Variants in EIF3D observed in about 807,000 individuals in gnomAD.
The protein encoded by EIF3D is eIF3 p66.
Under a neutral mutation model 75.4 loss-of-function variants are expected in EIF3D, and 10 were observed. The observed-to-expected ratio is 0.13, with a 90% CI of 0.08 to 0.22. The LOEUF (loss-of-function observed/expected upper bound fraction) is 0.22, where lower values mean the gene tolerates loss of function less well. Among genes scored for constraint, EIF3D ranks in the 10% least tolerant of loss-of-function variants. The probability of loss-of-function intolerance (pLI) is 1.00; values close to 1 mark genes in which losing one functional copy is unlikely to be tolerated. For missense variants in EIF3D, 394 were observed against 708.0 expected (o/e 0.56, Z 5.03); for synonymous variants, 246 against 248.3 (o/e 0.99, Z 0.09).
chr22:36,526,189 A>C, intron 1 of EIF3D, 58 bp from the exon 2 acceptor site: 1 of 1,487,026 alleles, frequency 6.7e-7, no homozygotes, highest in Non-Finnish European at 9.0e-7. Context: ...AGTACAAAAC[A>C]CCCTCCATAT....
intron 12 of EIF3D, 41 bp from the exon 13 acceptor site, chr22:36,512,643 A>C: frequency 6.3e-7 from 1 of 1,592,452 alleles, no homozygotes; most frequent in Non-Finnish European, 8.6e-7. Flanking sequence ...GCAAGCTCCA[A>C]ATGCCCAAGG....
At chr22:36,518,306 C>T (rs1174760028) in intron 9 of EIF3D, among the ~76,000 whole-genome samples, 1 of 151,924 alleles carries the variant, frequency 6.6e-6, no homozygotes, top group Non-Finnish European at 1.5e-5. Context: ...GCCTCGCCAA[C>T]ATGGTGAAAC....
At chr22:36,520,109 G>C (rs2235319) in intron 7 of EIF3D, among the ~76,000 whole-genome samples, 12,924 of 151,366 alleles carry the variant, frequency 0.085, 730 homozygotes, top group East Asian at 0.19. Flanking sequence ...ATACCAGGAA[G>C]TTAAAAAGAA....
intron 1 of EIF3D, chr22:36,527,024 T>C (rs1934615697): frequency 1.3e-5 from 2 of 152,224 alleles, no homozygotes; most frequent in East Asian, 1.9e-4. Context: ...TTTAAGTATA[T>C]CCTGAAATTC....
rs77562217 is a variant in EIF3D, at chr22:36,517,659, G to A, written c.860-228C>T. 4.6e-3 allele frequency among the ~76,000 whole-genome samples: 693 copies of A among 152,276 alleles called. 1 individual carries two copies. The highest frequency in any genetic ancestry group is 7.7e-3 in the Non-Finnish European group (524 of 68,028). On this transcript the variant is annotated intron_variant, in intron 9 of 14. Transcript: ENST00000216190. ...ACATTCAATTCAATCACACAGTAAC[G>A]AAGCTGTCCCTTTTCAGTCGTTTTG...
intron 5 of EIF3D, 97 bp downstream of exon 5, chr22:36,523,798 G>C (rs74947325): frequency 0.027 from 31,256 of 1,137,718 alleles, 527 homozygotes; most frequent in Non-Finnish European, 0.034. Context: ...TTTTTGCAGT[G>C]GTGGGGAATA....
chr22:36,519,056 T>C (rs1215473143), intron 8 of EIF3D, 146 bp from the exon 9 acceptor site: 2 of 1,159,308 alleles, frequency 1.7e-6, no homozygotes, highest in African/African-American at 3.1e-5. Context: ...CTGCAGCCAG[T>C]GAGCCAGCAA....
intron 1 of EIF3D, 109 bp downstream of exon 1, chr22:36,528,967 A>C: frequency 3.8e-6 from 1 of 260,198 alleles, no homozygotes; most frequent in Admixed American, 5.4e-5. Flanking sequence ...AGGGACGGCA[A>C]CAGCAGGAAG....
At position 36,526,063 on chromosome 22, in the gene EIF3D, G is replaced by C. The variant is rs150123971; in HGVS notation, c.59C>G (p.Ala20Gly). Residue 20 changes from alanine (A) to glycine (G), a missense_variant, in exon 2 of 15, where the codon GCG (alanine) becomes GGG (glycine). By Grantham distance (60) the Ala-to-Gly change is moderately conservative. Transcript: ENST00000216190. ...QDNPSGWGPC[A>G]VPEQFRDMPY... is the part of the protein sequence containing the mutation. ...CATATCCCGAAACTGCTCGGGAACCGCACAGGGACCCCAGCCTGAGGGGTT... is the reference window on the plus strand; with the variant it reads ...CATATCCCGAAACTGCTCGGGAACCCCACAGGGACCCCAGCCTGAGGGGTT... 1 of 1,613,454 alleles carries C rather than the reference G, an allele frequency of 6.2e-7. No individual in the cohort carries two copies. Among genetic ancestry groups the C allele is most frequent in the South Asian group, 1.1e-5 (1 of 90,954 alleles).
rs1193397530 is a variant in EIF3D at position 36,516,568 on chromosome 22, A to G, written c.1116T>C (p.Ile372=). 3 of 1,614,174 alleles carry G rather than the reference A, an allele frequency of 1.9e-6. No individual in the cohort carries two copies. The highest frequency in any genetic ancestry group is 1.7e-5 in the Admixed American group (1 of 60,026). The change falls in exon 12 of 15, where the codon ATT becomes ATC. Residue 372 remains isoleucine, a synonymous_variant. Transcript: ENST00000216190. Reference sequence around the variant, plus strand: ...TGACGCCATCGTGCTCACAACGGACAATAAGGTCAATATCATCTCCAAGCT... The same window carrying G: ...TGACGCCATCGTGCTCACAACGGACGATAAGGTCAATATCATCTCCAAGCT... ...RWKLGDDIDL[I]VRCEHDGVMT...
At chr22:36,522,487 A>G (rs1026635430) in intron 6 of EIF3D, among the ~76,000 whole-genome samples, 4 of 152,254 alleles carry the variant, frequency 2.6e-5, no homozygotes, top group African/African-American at 4.8e-5. Context: ...CATATACTGA[A>G]GGAAAACTGT....
Position 36,526,104 on chromosome 22 carries a change from T to C in EIF3D, c.18A>G (p.Thr6=). The C allele has an allele frequency of 6.2e-7, 1 of 1,605,982 alleles. No homozygotes were observed. The highest frequency in any genetic ancestry group is 1.1e-5 in the South Asian group (1 of 89,908). The change falls in exon 2 of 15, where the codon ACA becomes ACG. Residue 6 remains threonine (T), a synonymous_variant. Coordinates refer to ENST00000216190, the MANE Select transcript of EIF3D (RefSeq NM_003753.4). ...CTGAGGGGTTGTCCTGGATCACGGG[T>C]GTCATGAACTTTGCCATCTTCCAAA... The part of the protein sequence containing the change: MAKFM[T]PVIQDNPSGW...
chr22:36,519,733 C>T (rs1934483186), intron 7 of EIF3D, among the ~76,000 whole-genome samples, 196 bp from the exon 8 acceptor site: 1 of 152,166 alleles, frequency 6.6e-6, no homozygotes, highest in Non-Finnish European at 1.5e-5. Flanking sequence ...ACACAGCAAG[C>T]ACAACTCATC....
At chr22:36,528,211 C>T (rs1456786986) in intron 1 of EIF3D, among the ~76,000 whole-genome samples, 1 of 152,052 alleles carries the variant, frequency 6.6e-6, no homozygotes, top group Non-Finnish European at 1.5e-5. Context: ...GCTGTCAGTC[C>T]AGCCTTCTTT....
At chr22:36,522,287 G>C (rs1045319769) in intron 6 of EIF3D, among the ~76,000 whole-genome samples, 1 of 152,176 alleles carries the variant, frequency 6.6e-6, no homozygotes, top group African/African-American at 2.4e-5. Context: ...CCAGCAGGCA[G>C]AGGTTGCAGT....
rs532212071 is a variant in EIF3D, at chr22:36,516,622, A to T, written c.1077-15T>A. On this transcript the variant is annotated splice_polypyrimidine_tract_variant and intron_variant, in intron 11 of 14. Transcript: ENST00000216190. ...ACCTGCGGTAACTGCAGCAAAAAAG[A>T]AACTCATGTGGTCACTGGGGATTCT... 7 of 1,613,886 alleles carry T rather than the reference A, an allele frequency of 4.3e-6. No individual in the cohort carries two copies. The highest frequency in any genetic ancestry group is 5.9e-6 in the Non-Finnish European group (7 of 1,179,854).
chr22:36,512,180 G>A (rs745899314), intron 13 of EIF3D, among the ~76,000 whole-genome samples: 3 of 152,118 alleles, frequency 2.0e-5, no homozygotes, highest in Non-Finnish European at 4.4e-5. Context: ...ATGAGCCACC[G>A]CGCCCGGCAG....
intron 1 of EIF3D, among the ~76,000 whole-genome samples, chr22:36,526,601 TTTTC>T (rs200938979): frequency 3.1e-4 from 47 of 149,778 alleles, no homozygotes; most frequent in East Asian, 9.6e-4. Context: ...CTTAGTAGTC[TTTTC>T]TTTCTTTCTT....
chr22:36,516,325 A>G, intron 12 of EIF3D, 153 bp downstream of exon 12: 1 of 892,816 alleles, frequency 1.1e-6, no homozygotes. Flanking sequence ...TAAGCAGAGG[A>G]AAAAACTCAC....
Sources: allele counts gnomAD v4.1 joint callset (sites outside exome capture counted in the v4.1 genomes callset), GRCh38; gene constraint gnomAD v4.1.1; transcripts MANE v1.5; gene names NCBI Gene and HGNC (gene_info 2026-07-23, HGNC 2026-07-21).